SPAG16: variants seen among roughly 807,000 people sequenced by gnomAD.
SPAG16 encodes the protein sperm associated antigen 16, also known as sperm-associated antigen 16 protein.
A neutral mutation model predicts 80.4 loss-of-function variants in SPAG16; 86 were observed. The observed-to-expected ratio is 1.07, with a 90% CI of 0.90 to 1.28. The LOEUF is 1.28. Among genes scored for constraint, SPAG16 ranks in the 50% most tolerant of loss-of-function variants. SPAG16 has a pLI of 0.00. For synonymous variants in SPAG16, 294 were observed against 265.9 expected, an observed-to-expected ratio of 1.11 and a Z score of -1.03; for missense variants, 870 against 765.3, an observed-to-expected ratio of 1.14 and a Z score of -1.61.
Position 214,243,428 on chromosome 2 carries a change from A to C in SPAG16, c.1720+94162A>C, listed in dbSNP as rs114993833. Among the ~76,000 whole-genome samples the C allele has an allele frequency of 5.0e-3, 763 of 152,236 alleles. 5 individuals carry two copies. Among genetic ancestry groups the C allele is most frequent in the African/African-American group, 0.017 (722 of 41,570 alleles). ...CTCTGAGTCAGGGCTCATAAAATTTAACTATAGTACCTGGCCTAATTTTTT... is the reference window on the plus strand; with the variant it reads ...CTCTGAGTCAGGGCTCATAAAATTTCACTATAGTACCTGGCCTAATTTTTT... On this transcript the variant is annotated intron_variant, in intron 15 of 15. Transcript: ENST00000331683.
chr2:213,348,121 C>A (rs1010075352), intron 6 of SPAG16, among the ~76,000 whole-genome samples: 1 of 152,080 alleles, frequency 6.6e-6, no homozygotes, highest in Non-Finnish European at 1.5e-5. Flanking sequence ...CAAATTGATC[C>A]CTTTACCATT....
rs117446680 is a variant in SPAG16 at position 213,562,440 on chromosome 2, A to T, written c.1070+72350A>T. ...CTGGAAAATACAAATATGGATATTG[A>T]CTCTTAAGTTTGTTCAGGCTGCCAT... On this transcript the variant is annotated intron_variant, in intron 10 of 15. Coordinates refer to ENST00000331683, the MANE Select transcript of SPAG16 (RefSeq NM_024532.5). 1.6e-4 allele frequency among the ~76,000 whole-genome samples: 24 copies of T among 152,230 alleles called. No homozygotes were observed. In the East Asian group the frequency reaches 4.4e-3, roughly 28 times the overall value.
At chr2:214,190,462 T>G (rs1026341567) in intron 15 of SPAG16, among the ~76,000 whole-genome samples, 1 of 152,146 alleles carries the variant, frequency 6.6e-6, no homozygotes. Context: ...TTTTATAAAT[T>G]TAAATGGCTA....
chr2:213,467,946 T>G (rs1411481398), intron 9 of SPAG16, among the ~76,000 whole-genome samples: 1 of 152,206 alleles, frequency 6.6e-6, no homozygotes, highest in Non-Finnish European at 1.5e-5. Context: ...TTAGAGACTG[T>G]ACCTTTTTTC....
At chr2:213,405,682 T>C (rs766859106) in intron 9 of SPAG16, among the ~76,000 whole-genome samples, 3 of 152,212 alleles carry the variant, frequency 2.0e-5, no homozygotes, top group Non-Finnish European at 4.4e-5. Context: ...ATTACCTCCA[T>C]GAGGCCAACT....
At chr2:214,008,763 C>A (rs1279627578) in intron 12 of SPAG16, among the ~76,000 whole-genome samples, 2 of 150,752 alleles carry the variant, frequency 1.3e-5, no homozygotes, top group Non-Finnish European at 2.9e-5. Flanking sequence ...AAAAAAAATA[C>A]ATGCTAGATG....
chr2:213,646,653 T>A (rs1022846674), intron 10 of SPAG16, among the ~76,000 whole-genome samples: 2 of 152,222 alleles, frequency 1.3e-5, no homozygotes, highest in African/African-American at 4.8e-5. Context: ...TCTGAGTCTT[T>A]TATATATCAT....
chr2:213,312,738 T>C (rs2063246594), intron 4 of SPAG16, among the ~76,000 whole-genome samples: 1 of 151,776 alleles, frequency 6.6e-6, no homozygotes, highest in South Asian at 2.1e-4. Flanking sequence ...TTTTTTTTAA[T>C]AATGGAAGAG....
chr2:214,023,098 A>G (rs1395165083), intron 13 of SPAG16, among the ~76,000 whole-genome samples: 1 of 151,934 alleles, frequency 6.6e-6, no homozygotes, highest in African/African-American at 2.4e-5. Flanking sequence ...TTTATTTCAG[A>G]TAAACCTTCT....
At chr2:213,430,216 C>T (rs1324951512) in intron 9 of SPAG16, among the ~76,000 whole-genome samples, 1 of 152,090 alleles carries the variant, frequency 6.6e-6, no homozygotes, top group Admixed American at 6.5e-5. Flanking sequence ...TGGAAAGTTT[C>T]AACAATAGAT....
At chr2:213,412,288 G>A (rs892878724) in intron 9 of SPAG16, among the ~76,000 whole-genome samples, 1 of 152,102 alleles carries the variant, frequency 6.6e-6, no homozygotes, top group Non-Finnish European at 1.5e-5. Flanking sequence ...TCTAACCCTA[G>A]CCAATAGGGG....
intron 15 of SPAG16, among the ~76,000 whole-genome samples, chr2:214,183,907 T>C (rs906108595): frequency 3.3e-5 from 5 of 152,102 alleles, no homozygotes; most frequent in African/African-American, 1.2e-4. Context: ...CCATACAGGA[T>C]AAGTACATAT....
chr2:213,882,044 A>T (rs2076364437), intron 11 of SPAG16, among the ~76,000 whole-genome samples: 3 of 152,076 alleles, frequency 2.0e-5, no homozygotes, highest in Non-Finnish European at 2.9e-5. Flanking sequence ...TTATAAAGGG[A>T]TGTTGGATTT....
intron 9 of SPAG16, among the ~76,000 whole-genome samples, chr2:213,435,877 G>A (rs954379146): frequency 2.6e-5 from 4 of 152,016 alleles, no homozygotes; most frequent in African/African-American, 4.8e-5. Context: ...TTATAATCCC[G>A]GTACTACTTG....
chr2:213,899,169 A>G (rs775603921), intron 11 of SPAG16, among the ~76,000 whole-genome samples: 9 of 152,118 alleles, frequency 5.9e-5, no homozygotes, highest in Non-Finnish European at 1.3e-4. Context: ...GCTGCTTAGA[A>G]CTTGGTGTAC....
chr2:213,638,786 G>T (rs2062469778), intron 10 of SPAG16, among the ~76,000 whole-genome samples: 1 of 152,136 alleles, frequency 6.6e-6, no homozygotes, highest in Admixed American at 6.5e-5. Context: ...GTTTAAGTCT[G>T]TTGTTTATTT....
chr2:213,943,970 G>T (rs1210961576), intron 12 of SPAG16, among the ~76,000 whole-genome samples: 1 of 152,178 alleles, frequency 6.6e-6, no homozygotes. Flanking sequence ...CTGGACCATA[G>T]AGCTATTCAA....
At chr2:213,932,177 TATATATATATATATATATATATTTG>T (rs1202763940) in intron 12 of SPAG16, among the ~76,000 whole-genome samples, 5 of 26,646 alleles carry the variant, frequency 1.9e-4, no homozygotes, top group South Asian at 6.5e-3. Context: ...TATATATATA[TATATATATATATATATATATATTTG>T]TTGTTGTTGT....
At chr2:213,869,297 A>ATATATATATATGTGTGTATATATATATG (rs2075855071) in intron 11 of SPAG16, among the ~76,000 whole-genome samples, 1 of 124,908 alleles carries the variant, frequency 8.0e-6, no homozygotes, top group Non-Finnish European at 1.7e-5. Context: ...ATATATGTAT[A>ATATATATATATGTGTGTATATATATATG]TATATATATA....
Sources: gnomAD v4.1 joint callset for allele counts (sites outside exome capture counted in the v4.1 genomes callset) on GRCh38, gnomAD v4.1.1 for gene constraint, MANE v1.5 for transcripts, NCBI Gene and HGNC (gene_info 2026-07-23, HGNC 2026-07-21) for gene names.